Variants in QKI observed in about 807,000 individuals in gnomAD.
QKI encodes the protein KH domain-containing RNA-binding protein QKI.
In QKI, 10 loss-of-function variants were observed where a neutral mutation model predicts 39.0. That is an observed-to-expected ratio of 0.26 (90% CI 0.16 to 0.43). The LOEUF is 0.43. Among genes scored for constraint, QKI ranks in the 20% least tolerant of loss-of-function variants. QKI has a pLI of 1.00. For missense variants in QKI, 218 were observed against 428.0 expected (o/e 0.51, Z 4.33); for synonymous variants, 204 against 155.4 (o/e 1.31, Z -2.33).
intron 4 of QKI, among the ~76,000 whole-genome samples, chr6:163,545,094 G>A (rs1781786345): frequency 6.6e-6 from 1 of 152,056 alleles, no homozygotes; most frequent in African/African-American, 2.4e-5. Context: ...AGAGCTCCTT[G>A]GAATCACAGC....
intron 1 of QKI, among the ~76,000 whole-genome samples, chr6:163,437,756 C>T (rs1789428128): frequency 1.3e-5 from 2 of 152,066 alleles, no homozygotes; most frequent in African/African-American, 4.8e-5. Flanking sequence ...TACGGTAATG[C>T]AAATATACCT....
chr6:163,517,562 C>T (rs724826), intron 3 of QKI, among the ~76,000 whole-genome samples: 64,254 of 151,950 alleles, frequency 0.42, 16,850 homozygotes, highest in East Asian at 0.72. Flanking sequence ...GGATTATAGG[C>T]GAGCACCACC....
chr6:163,439,165 C>G (rs1789541062), intron 1 of QKI, among the ~76,000 whole-genome samples: 1 of 152,104 alleles, frequency 6.6e-6, no homozygotes, highest in Admixed American at 6.5e-5. Flanking sequence ...ACCAGTGTGT[C>G]TCCAGCACAG....
rs977485829 is a variant in QKI at position 163,503,417 on chromosome 6, G to GT, written c.402+24528dup. 4.0e-4 allele frequency among the ~76,000 whole-genome samples: 61 copies of GT among 151,922 alleles called. 2 individuals carry two copies. The highest frequency in any genetic ancestry group is 1.4e-3 in the African/African-American group (60 of 41,436). On this transcript the variant is annotated intron_variant, in intron 3 of 7. Coordinates refer to ENST00000361752, the MANE Select transcript of QKI (RefSeq NM_006775.3). ...CTTTGGCCCACTTTTTAATGGAGTC[G>GT]TTTTTTTGCTTGTTGAATTGTTTAA...
intron 7 of QKI, chr6:163,568,536 C>T (rs752025801): frequency 1.0e-6 from 1 of 980,736 alleles, no homozygotes; most frequent in South Asian, 4.7e-5. Flanking sequence ...GTATACTTAT[C>T]ACTGTATGCA....
chr6:163,422,156 T>C (rs897684930), intron 1 of QKI, among the ~76,000 whole-genome samples: 25 of 152,228 alleles, frequency 1.6e-4, no homozygotes, highest in African/African-American at 5.8e-4. Flanking sequence ...GTGATTTATC[T>C]AGAATTCTTA....
intron 3 of QKI, among the ~76,000 whole-genome samples, chr6:163,489,823 A>G (rs1194811758): frequency 6.6e-6 from 1 of 152,152 alleles, no homozygotes; most frequent in African/African-American, 2.4e-5. Flanking sequence ...TTAACCACAT[A>G]TAATTTTTAT....
intron 3 of QKI, among the ~76,000 whole-genome samples, chr6:163,528,466 A>G (rs1780649647): frequency 6.6e-6 from 1 of 152,246 alleles, no homozygotes; most frequent in East Asian, 1.9e-4. Flanking sequence ...GTGGTACAAC[A>G]CTTACTGCCT....
At chr6:163,548,395 C>T (rs1055682002) in intron 4 of QKI, among the ~76,000 whole-genome samples, 1 of 152,198 alleles carries the variant, frequency 6.6e-6, no homozygotes, top group Non-Finnish European at 1.5e-5. Context: ...AAATCTTCCA[C>T]AAGTCACTTA....
At chr6:163,566,447 C>A in intron 6 of QKI, 1 of 1,290,962 alleles carries the variant, frequency 7.7e-7, no homozygotes, top group South Asian at 1.6e-5. Flanking sequence ...ATGTTTGGAT[C>A]TAATAGAGCT....
At chr6:163,472,213 A>G (rs1042709769) in intron 2 of QKI, among the ~76,000 whole-genome samples, 3 of 150,902 alleles carry the variant, frequency 2.0e-5, no homozygotes, top group South Asian at 2.1e-4. Flanking sequence ...TATTCTTACA[A>G]TAAAATAAGC....
chr6:163,568,750 A>G (rs755174542), intron 7 of QKI: 161 of 985,222 alleles, frequency 1.6e-4, no homozygotes, highest in Non-Finnish European at 1.8e-4. Flanking sequence ...AGAGTACTAC[A>G]TGGTTGACCA....
intron 2 of QKI, among the ~76,000 whole-genome samples, chr6:163,471,177 G>C (rs1399012984): frequency 6.6e-6 from 1 of 152,148 alleles, no homozygotes; most frequent in Non-Finnish European, 1.5e-5. Context: ...GGAGCAGCGG[G>C]AAGACTTAGT....
intron 1 of QKI, among the ~76,000 whole-genome samples, chr6:163,431,812 A>C (rs546888778): frequency 7.5e-6 from 1 of 134,042 alleles, no homozygotes; most frequent in East Asian, 2.2e-4. Flanking sequence ...AAAAAAAAAA[A>C]ACAAAAAACT....
At chr6:163,454,539 G>T (rs539416218) in intron 1 of QKI, among the ~76,000 whole-genome samples, 4 of 151,974 alleles carry the variant, frequency 2.6e-5, no homozygotes, top group African/African-American at 9.7e-5. Flanking sequence ...TGTAGTATTC[G>T]ATACTGTTGG....
intron 4 of QKI, among the ~76,000 whole-genome samples, chr6:163,543,080 T>TAA (rs1031273704): frequency 9.2e-5 from 14 of 152,228 alleles, no homozygotes; most frequent in African/African-American, 3.4e-4. Context: ...GTATTAATTA[T>TAA]AACCTGAAAA....
chr6:163,567,815 G>A (rs537230553), intron 7 of QKI: 8 of 985,284 alleles, frequency 8.1e-6, no homozygotes, highest in Non-Finnish European at 9.6e-6. Context: ...GGAGGAAAAA[G>A]TGCTGGATTT....
At chr6:163,482,695 G>T (rs1793169132) in intron 3 of QKI, among the ~76,000 whole-genome samples, 1 of 152,274 alleles carries the variant, frequency 6.6e-6, no homozygotes, top group Non-Finnish European at 1.5e-5. Flanking sequence ...AGATGCATAG[G>T]GCAAGACATG....
intron 4 of QKI, among the ~76,000 whole-genome samples, chr6:163,536,301 T>C (rs74379097): frequency 0.028 from 4,234 of 152,310 alleles, 193 homozygotes; most frequent in African/African-American, 0.096. Context: ...TTCGAAAGTA[T>C]ACTGGGCAAT....
Sources: allele counts gnomAD v4.1 joint callset (sites outside exome capture counted in the v4.1 genomes callset), GRCh38; gene constraint gnomAD v4.1.1; transcripts MANE v1.5; gene names NCBI Gene and HGNC (gene_info 2026-07-23, HGNC 2026-07-21).